MEF2C: variants seen among roughly 807,000 people sequenced by gnomAD.
MEF2C encodes the protein myocyte-specific enhancer factor 2C.
Under a neutral mutation model 50.5 loss-of-function variants are expected in MEF2C, and 6 were observed. That is an observed-to-expected ratio of 0.12 (90% CI 0.07 to 0.23). The LOEUF is 0.23. Among genes scored for constraint, MEF2C ranks in the 10% least tolerant of loss-of-function variants. The probability of loss-of-function intolerance (pLI) is 1.00; values close to 1 mark genes in which losing one functional copy is unlikely to be tolerated. For synonymous variants in MEF2C, 183 were observed against 228.0 expected, an observed-to-expected ratio of 0.80 and a Z score of 1.78; for missense variants, 276 against 605.0, an observed-to-expected ratio of 0.46 and a Z score of 5.70.
upstream of MEF2C, chr5:88,887,378 G>A (rs189994140): frequency 1.3e-5 from 2 of 152,168 alleles, no homozygotes; most frequent in Non-Finnish European, 2.9e-5. Flanking sequence ...GTGTATGGTG[G>A]TCATTTAACT....
chr5:88,865,497 C>A (rs780476870), intron 1 of MEF2C, among the ~76,000 whole-genome samples: 2 of 152,120 alleles, frequency 1.3e-5, no homozygotes, highest in Non-Finnish European at 2.9e-5. Context: ...ATAGAATTAG[C>A]CAACAGCTAT....
intron 10 of MEF2C, among the ~76,000 whole-genome samples, chr5:88,726,417 A>G (rs1758779303): frequency 6.6e-6 from 1 of 152,170 alleles, no homozygotes; most frequent in African/African-American, 2.4e-5. Flanking sequence ...TTAAAAAAAC[A>G]GTTTAACATT....
chr5:88,810,942 T>C (rs547122243), intron 2 of MEF2C, among the ~76,000 whole-genome samples: 10 of 152,118 alleles, frequency 6.6e-5, no homozygotes, highest in African/African-American at 2.2e-4. Context: ...AAGGTAATTT[T>C]AAAGTCCACA....
At chr5:88,797,130 G>A (rs1796341440) in intron 3 of MEF2C, among the ~76,000 whole-genome samples, 1 of 152,178 alleles carries the variant, frequency 6.6e-6, no homozygotes, top group Non-Finnish European at 1.5e-5. Flanking sequence ...TTCTGTAGAT[G>A]TCTATTAAGT....
At chr5:88,883,569 C>G (rs897319129), upstream of MEF2C, 1 of 151,970 alleles carries the variant, frequency 6.6e-6, no homozygotes, top group Non-Finnish European at 1.5e-5. Flanking sequence ...AGACGGAGCA[C>G]GAATGGTTGG....
chr5:88,901,736 A>G (rs1297579053), intron 1 of MEF2C, among the ~76,000 whole-genome samples: 4 of 152,098 alleles, frequency 2.6e-5, no homozygotes, highest in East Asian at 3.9e-4. Flanking sequence ...TTGTGACACA[A>G]TGTTGAAGAT....
chr5:88,798,477 T>G (rs1796945054), intron 3 of MEF2C, among the ~76,000 whole-genome samples: 1 of 152,110 alleles, frequency 6.6e-6, no homozygotes, highest in South Asian at 2.1e-4. Flanking sequence ...GTGCTGTGTT[T>G]TTCAGTTCTA....
chr5:88,871,079 T>C (rs551140841), intron 1 of MEF2C, among the ~76,000 whole-genome samples: 1 of 152,234 alleles, frequency 6.6e-6, no homozygotes, highest in South Asian at 2.1e-4. Flanking sequence ...CTATAAATCA[T>C]ATCAAGAAGT....
intron 3 of MEF2C, among the ~76,000 whole-genome samples, chr5:88,794,824 G>T (rs1382059021): frequency 6.6e-6 from 1 of 152,100 alleles, no homozygotes; most frequent in Non-Finnish European, 1.5e-5. Context: ...TTTGTATAAG[G>T]TGTAAGGAAG....
At chr5:88,741,020 A>G (rs1766470461) in intron 6 of MEF2C, 1 of 985,320 alleles carries the variant, frequency 1.0e-6, no homozygotes, top group Non-Finnish European at 1.2e-6. Context: ...TGCTGCGAAC[A>G]CATCAGAAGT....
At chr5:88,787,490 C>T (rs1025089332) in intron 3 of MEF2C, among the ~76,000 whole-genome samples, 3 of 152,168 alleles carry the variant, frequency 2.0e-5, no homozygotes, top group South Asian at 2.1e-4. Flanking sequence ...ACTCGCCCTC[C>T]GTTAGAGAAT....
chr5:88,855,160 T>G (rs902791999), intron 1 of MEF2C, among the ~76,000 whole-genome samples: 1 of 152,248 alleles, frequency 6.6e-6, no homozygotes, highest in African/African-American at 2.4e-5. Context: ...TATAGTTCAT[T>G]TTTAAACAGC....
intron 6 of MEF2C, chr5:88,742,068 T>C (rs1767083552): frequency 1.0e-6 from 1 of 985,132 alleles, no homozygotes; most frequent in Non-Finnish European, 1.2e-6. Context: ...TTGGCAAAGG[T>C]TTGTCTAAAA....
intron 6 of MEF2C, chr5:88,740,233 C>CGTGTCT (rs1765974700): frequency 1.1e-6 from 1 of 884,956 alleles, no homozygotes; most frequent in Non-Finnish European, 1.3e-6. Flanking sequence ...AGCGATTTTG[C>CGTGTCT]GTGTGTGTGT....
chr5:88,900,360 A>C (rs919685738), intron 1 of MEF2C, among the ~76,000 whole-genome samples: 1 of 151,844 alleles, frequency 6.6e-6, no homozygotes, highest in Admixed American at 6.6e-5. Flanking sequence ...TGATATATAC[A>C]TATACTTATG....
chr5:88,774,585 G>A (rs1322513971), intron 3 of MEF2C, among the ~76,000 whole-genome samples: 4 of 152,124 alleles, frequency 2.6e-5, no homozygotes, highest in African/African-American at 9.7e-5. Flanking sequence ...GCCTCCCAAA[G>A]TAAGTTTCTA....
At chr5:88,854,990 A>C (rs1240561905) in intron 1 of MEF2C, among the ~76,000 whole-genome samples, 1 of 152,202 alleles carries the variant, frequency 6.6e-6, no homozygotes. Context: ...AGAATAGCTT[A>C]TGTGTGGTTT....
chr5:88,723,180 G>A (rs549664812), intron 10 of MEF2C, among the ~76,000 whole-genome samples: 1 of 152,134 alleles, frequency 6.6e-6, no homozygotes, highest in Non-Finnish European at 1.5e-5. Flanking sequence ...TCTCCGAGAG[G>A]CTCCCTAAAC....
At chr5:88,853,479 G>A (rs945428189) in intron 1 of MEF2C, among the ~76,000 whole-genome samples, 1 of 152,014 alleles carries the variant, frequency 6.6e-6, no homozygotes, top group African/African-American at 2.4e-5. Context: ...TAATTAAATG[G>A]GCACAGATAA....
Sources: allele counts gnomAD v4.1 joint callset (sites outside exome capture counted in the v4.1 genomes callset), GRCh38; gene constraint gnomAD v4.1.1; transcripts MANE v1.5; gene names NCBI Gene and HGNC (gene_info 2026-07-23, HGNC 2026-07-21).